The following STYK1 variants were observed in gnomAD, a reference collection of about 807,000 sequenced individuals.
STYK1 encodes tyrosine-protein kinase STYK1.
In STYK1, 46 loss-of-function variants were observed where a neutral mutation model predicts 48.1. The observed-to-expected ratio is 0.96, with a 90% CI of 0.75 to 1.22. STYK1 has a LOEUF of 1.22. STYK1 is among the 50% of genes most tolerant of loss of function. STYK1 has a pLI of 0.00. For missense variants in STYK1, 527 were observed against 521.1 expected, an observed-to-expected ratio of 1.01 and a Z score of -0.11; for synonymous variants, 188 against 189.0, an observed-to-expected ratio of 0.99 and a Z score of 0.04.
chr12:10,624,752 T>A lies in STYK1; in HGVS notation c.825A>T (p.Glu275Asp), dbSNP rs944038368. 6 of 1,613,996 alleles carry A rather than the reference T, an allele frequency of 3.7e-6. No homozygotes were observed. Among genetic ancestry groups the A allele is most frequent in the Admixed American group, 3.3e-5 (2 of 60,000 alleles). Residue 275 changes from glutamate to aspartate, a missense_variant, in exon 8 of 11, where the codon GAA becomes GAT. By Grantham distance (45) the Glu-to-Asp change is conservative. Coordinates refer to ENST00000075503, the MANE Select transcript of STYK1 (RefSeq NM_018423.3). ...AGGAGATGGCCCCTCGGGTGTAAACTTCATAAGCCAGGCCTAATCCACAGA... is the reference window on the plus strand; with the variant it reads ...AGGAGATGGCCCCTCGGGTGTAAACATCATAAGCCAGGCCTAATCCACAGA... ...AKLCGLGLAY[E>D]VYTRGAISST...
Position 10,629,588 on chromosome 12 carries a change from GC to G in STYK1, c.537del (p.Gln179HisfsTer35). The G allele has an allele frequency of 6.2e-7, 1 of 1,614,174 alleles. No individual in the cohort carries two copies. The highest frequency in any genetic ancestry group is 1.1e-5 in the South Asian group (1 of 91,080). On this transcript the variant is annotated frameshift_variant, in exon 6 of 11. Coordinates refer to ENST00000075503, the MANE Select transcript of STYK1 (RefSeq NM_018423.3). LOFTEE classifies it high-confidence loss of function. ...QYLGKHKNLV[Q>X]LEGCCTEKLP... ...AGCTTTTCAGTGCAGCAGCCTTCCA[GC>G]TGCACCAGGTTTTTGTGTTTCCCCA...
At chr12:10,654,560 G>C (rs948142275) in intron 1 of STYK1, among the ~76,000 whole-genome samples, 1 of 152,144 alleles carries the variant, frequency 6.6e-6, no homozygotes, top group Non-Finnish European at 1.5e-5. Context: ...GGTAAGGGGC[G>C]GGGTATGTTT....
intron 1 of STYK1, among the ~76,000 whole-genome samples, chr12:10,657,946 AT>A (rs538754021): frequency 2.0e-5 from 3 of 152,240 alleles, no homozygotes; most frequent in East Asian, 1.9e-4. Flanking sequence ...GGGAATGTGA[AT>A]TTTTTTTAGC....
At position 10,629,489 on chromosome 12, in the gene STYK1, T is replaced by C. The variant is rs1247014901; in HGVS notation, c.633+4A>G. The C allele has an allele frequency of 6.2e-7, 1 of 1,613,788 alleles. No individual in the cohort carries two copies. Among genetic ancestry groups the C allele is most frequent in the Admixed American group, 1.7e-5 (1 of 60,000 alleles). The stretch of plus-strand genomic sequence containing the variant: ...CCTCCTAATACCTCTGCCCTACTGC[T>C]CACCCGCCGACAGGTCCAGAGAAAG... On this transcript the variant is annotated splice_donor_region_variant and intron_variant, in intron 6 of 10. Transcript: ENST00000075503.
At chr12:10,662,784 AT>A (rs1947791413) in intron 1 of STYK1, among the ~76,000 whole-genome samples, 1 of 152,160 alleles carries the variant, frequency 6.6e-6, no homozygotes, top group Non-Finnish European at 1.5e-5. Flanking sequence ...ATCATATGCA[AT>A]ATTTTCTTCC....
intron 1 of STYK1, among the ~76,000 whole-genome samples, chr12:10,666,577 T>A (rs766857303): frequency 3.3e-5 from 5 of 152,208 alleles, no homozygotes; most frequent in Admixed American, 6.5e-5. Flanking sequence ...TGGCTCTGTG[T>A]TCCCACCCAG....
rs369245953 is a variant in STYK1, at chr12:10,631,223, G to A, written c.273C>T (p.Ser91=). The stretch of plus-strand genomic sequence containing the variant: ...TGGTAGCTCCCAGAAAGTTTTCCAC[G>A]GATGTCTCCTTAAGTGGCAAAGCCA... ...GNVALPLKET[S]VENFLGATTP... The change falls in exon 5 of 11, where the codon TCC becomes TCT. Residue 91 remains serine, a synonymous_variant. Coordinates refer to ENST00000075503, the MANE Select transcript of STYK1 (RefSeq NM_018423.3). The A allele has an allele frequency of 6.2e-6, 10 of 1,614,064 alleles. No homozygotes were observed. The highest frequency in any genetic ancestry group is 8.5e-6 in the Non-Finnish European group (10 of 1,180,056).
chr12:10,624,534 C>A, intron 8 of STYK1, 117 bp downstream of exon 8: 1 of 888,188 alleles, frequency 1.1e-6, no homozygotes, highest in South Asian at 1.6e-5. Flanking sequence ...GAGAGTATGT[C>A]TGATTTCTAA....
chr12:10,673,105 T>TGAAA (rs1195877757), intron 1 of STYK1, among the ~76,000 whole-genome samples: 1 of 148,102 alleles, frequency 6.8e-6, no homozygotes, highest in African/African-American at 2.5e-5. Context: ...ATCGCATAAA[T>TGAAA]GAAAGAAAGA....
chr12:10,671,751 A>G (rs1041965534), intron 1 of STYK1, among the ~76,000 whole-genome samples: 4 of 152,254 alleles, frequency 2.6e-5, no homozygotes, highest in African/African-American at 7.2e-5. Context: ...GAGCTGCAGA[A>G]TCACATAACT....
chr12:10,624,881 T>C, intron 7 of STYK1, 22 bp from the exon 8 acceptor site: 2 of 1,608,708 alleles, frequency 1.2e-6, no homozygotes, highest in Non-Finnish European at 1.7e-6. Context: ...AAATCAAATA[T>C]GATCAGCTGT....
chr12:10,654,140 C>T (rs1479727829), intron 1 of STYK1, among the ~76,000 whole-genome samples: 2 of 152,334 alleles, frequency 1.3e-5, no homozygotes, highest in Middle Eastern at 3.4e-3. Context: ...AGTGTCCTGA[C>T]AGTTTACAAA....
At chr12:10,655,159 C>T (rs1325576699) in intron 1 of STYK1, among the ~76,000 whole-genome samples, 1 of 152,144 alleles carries the variant, frequency 6.6e-6, no homozygotes, top group Admixed American at 6.5e-5. Context: ...TTGAATTTGT[C>T]TTTCTGTGTT....
chr12:10,626,515 C>T (rs1947360639), intron 7 of STYK1, among the ~76,000 whole-genome samples: 1 of 152,136 alleles, frequency 6.6e-6, no homozygotes, highest in Non-Finnish European at 1.5e-5. Context: ...CCCTATATTT[C>T]ACACCTCAAA....
chr12:10,648,424 A>G (rs1947623998), intron 1 of STYK1, among the ~76,000 whole-genome samples: 1 of 152,080 alleles, frequency 6.6e-6, no homozygotes, highest in African/African-American at 2.4e-5. Flanking sequence ...AAAACCACTA[A>G]TATGCCAATA....
At chr12:10,625,702 G>T (rs536697236) in intron 7 of STYK1, among the ~76,000 whole-genome samples, 1 of 152,242 alleles carries the variant, frequency 6.6e-6, no homozygotes, top group South Asian at 2.1e-4. Context: ...TTAAGCAGTA[G>T]TGACCAGAAC....
chr12:10,665,332 T>C (rs1425101710), intron 1 of STYK1, among the ~76,000 whole-genome samples: 2 of 152,216 alleles, frequency 1.3e-5, no homozygotes, highest in African/African-American at 2.4e-5. Flanking sequence ...CAGAGCATGC[T>C]TCACAAATGC....
intron 6 of STYK1, among the ~76,000 whole-genome samples, chr12:10,627,958 A>T (rs1273822215): frequency 6.6e-6 from 1 of 152,242 alleles, no homozygotes; most frequent in East Asian, 1.9e-4. Context: ...AGACAAGTAT[A>T]AATAAGACTA....
chr12:10,647,444 T>C (rs1280204316), intron 1 of STYK1, among the ~76,000 whole-genome samples: 1 of 152,248 alleles, frequency 6.6e-6, no homozygotes. Context: ...GGAACAGCTG[T>C]ATTTACACAA....
Sources: gnomAD v4.1 joint callset for allele counts (sites outside exome capture counted in the v4.1 genomes callset) on GRCh38, gnomAD v4.1.1 for gene constraint, MANE v1.5 for transcripts, NCBI Gene and HGNC (gene_info 2026-07-23, HGNC 2026-07-21) for gene names.